Variants in COPS6 observed in about 807,000 individuals in gnomAD.
COPS6 encodes COP9 signalosome subunit 6.
Under a neutral mutation model 41.0 loss-of-function variants are expected in COPS6, and 9 were observed. That is an observed-to-expected ratio of 0.22 (90% confidence interval 0.13 to 0.38). The LOEUF is 0.38. COPS6 is among the 10% of genes least tolerant of loss of function. The pLI, the probability that COPS6 is intolerant of heterozygous loss-of-function variation, is 1.00. For missense variants in COPS6, 302 were observed against 436.7 expected (o/e 0.69, Z 2.75); for synonymous variants, 179 against 162.9 (o/e 1.10, Z -0.75).
intron 5 of COPS6, 69 bp from the exon 6 acceptor site, chr7:100,090,833 G>C (rs897375604): frequency 6.4e-7 from 1 of 1,560,434 alleles, no homozygotes; most frequent in Non-Finnish European, 8.8e-7. Flanking sequence ...GAAGATGAGA[G>C]GAAATGTGTA....
chr7:100,089,059 T>C lies in COPS6; in HGVS notation c.69T>C (p.Asp23=). 1 of 1,403,066 alleles carries C rather than the reference T, an allele frequency of 7.1e-7. No homozygotes were observed. The highest frequency in any genetic ancestry group is 2.9e-5 in the East Asian group (1 of 34,876). The allele number at this position is 1,403,066 out of a possible 1,614,324, so 86.9% of individuals were successfully genotyped here. A position where few individuals can be genotyped will look rare whatever the true frequency, so the allele number is the denominator to read the frequency against. The change falls in exon 1 of 10, where the codon GAT becomes GAC. Residue 23 remains aspartate, a synonymous_variant. Coordinates refer to ENST00000303904, the MANE Select transcript of COPS6 (RefSeq NM_006833.5). ...GAGGAAGCAGCGGGATGGAGGTGGA[T>C]GCAGCAGGTAACGGGCCGTGCGGGG... is the stretch of plus-strand genomic sequence containing the variant. ...GTGGSSGMEV[D]AAVVPSVMAC... is the part of the protein sequence containing the mutation.
At chr7:100,089,167 T>A in intron 1 of COPS6, 101 bp downstream of exon 1, 1 of 1,513,580 alleles carries the variant, frequency 6.6e-7, no homozygotes. Context: ...AGCAGCAACA[T>A]CTTTCCCTGG....
chr7:100,090,705 CTG>C, intron 5 of COPS6, 51 bp downstream of exon 5: 1 of 1,554,752 alleles, frequency 6.4e-7, no homozygotes, highest in African/African-American at 1.4e-5. Context: ...ATACCTTTTA[CTG>C]TGTGACACTC....
chr7:100,090,907 T>C lies in COPS6; in HGVS notation c.492T>C (p.Pro164=), dbSNP rs1196925774. 1.7e-5 allele frequency: 28 copies of C among 1,614,124 alleles called. 1 individual carries two copies. The Admixed American group carries it at 4.3e-4, about 25-fold the overall frequency. The stretch of plus-strand genomic sequence containing the variant: ...TTTCTCCGTCTCCTTCACAGCTTCC[T>C]GTCAGCGTTTTTGAGTCTGTCATTG... The part of the protein sequence containing the change: ...LNPMTKHTDL[P]VSVFESVIDI... The change falls in exon 6 of 10, where the codon CCT becomes CCC. Residue 164 remains proline, a synonymous_variant. Transcript: ENST00000303904.
intron 2 of COPS6, 26 bp from the exon 3 acceptor site, chr7:100,089,589 C>G: frequency 6.2e-7 from 1 of 1,608,984 alleles, no homozygotes; most frequent in African/African-American, 1.3e-5. Flanking sequence ...TTACCCTCAC[C>G]TTTTCCATGT....
rs1277813866 is a variant in COPS6, at chr7:100,091,938, C to CCA, written c.*153_*154dup. The CCA allele has an allele frequency of 1.1e-5, 11 of 967,706 alleles. No individual in the cohort carries two copies. Among genetic ancestry groups the CCA allele is most frequent in the Non-Finnish European group, 1.7e-5 (11 of 658,422 alleles). The allele number at this position is 967,706 out of a possible 1,614,324, so 59.9% of individuals were successfully genotyped here. Reference sequence around the variant, plus strand: ...TGGTGGCTCTGTCCTCTGTTAGGCACCACACTGGTTGGTCAACTTGGATGT... The same window carrying CCA: ...TGGTGGCTCTGTCCTCTGTTAGGCACCACACACTGGTTGGTCAACTTGGATGT... On this transcript the variant is annotated 3_prime_UTR_variant, in exon 10 of 10. Transcript: ENST00000303904. The surrounding 1 kb of genome is among the most constrained non-coding windows in gnomAD (Gnocchi z 4.1).
chr7:100,090,734 C>A, intron 5 of COPS6, 80 bp downstream of exon 5: 1 of 1,490,410 alleles, frequency 6.7e-7, no homozygotes. Flanking sequence ...TGGGGAATGC[C>A]AGATGCCACT....
intron 2 of COPS6, 45 bp downstream of exon 2, chr7:100,089,460 C>A (rs764743282): frequency 1.2e-6 from 2 of 1,611,644 alleles, no homozygotes; most frequent in Admixed American, 3.4e-5. Context: ...TTGCTCACCT[C>A]CCCCAGGCAG....
At chr7:100,089,792 A>G (rs777679775) in intron 3 of COPS6, 46 bp downstream of exon 3, 1 of 1,594,606 alleles carries the variant, frequency 6.3e-7, no homozygotes, top group African/African-American at 1.3e-5. Context: ...AGTTAAAAAA[A>G]AAATGTACAG....
chr7:100,090,695 A>G (rs2116537153), intron 5 of COPS6, 41 bp downstream of exon 5: 2 of 1,587,362 alleles, frequency 1.3e-6, no homozygotes, highest in South Asian at 2.2e-5. Flanking sequence ...GATTGTCGCT[A>G]TACCTTTTAC....
In COPS6 at chr7:100,089,641, G is replaced by A. The variant is rs747857640; in HGVS notation, c.229G>A (p.Glu77Lys). 4 of 1,613,402 alleles carry A rather than the reference G, an allele frequency of 2.5e-6. No homozygotes were observed. Among genetic ancestry groups the A allele is most frequent in the Non-Finnish European group, 3.4e-6 (4 of 1,179,834 alleles). ...GATTGGGGCTCTGATTGGCAAGCAGGAGGGCCGAAATATCGAGGTGATGAA... is the reference window on the plus strand; with the variant it reads ...GATTGGGGCTCTGATTGGCAAGCAGAAGGGCCGAAATATCGAGGTGATGAA... ...QVIGALIGKQ[E>K]GRNIEVMNSF... Residue 77 changes from glutamate (E) to lysine (K), a missense_variant, in exon 3 of 10, where the codon GAG becomes AAG. Glu to Lys is a moderately conservative substitution (Grantham distance 56). Coordinates refer to ENST00000303904, the MANE Select transcript of COPS6 (RefSeq NM_006833.5).
intron 3 of COPS6, chr7:100,090,116 G>A (rs970144803): frequency 6.5e-6 from 3 of 462,664 alleles, no homozygotes; most frequent in African/African-American, 2.0e-5. Flanking sequence ...TTGGGAGGCC[G>A]AGGTGGGTGG....
Position 100,089,033 on chromosome 7 carries a change from G to A in COPS6, c.43G>A (p.Gly15Arg), listed in dbSNP as rs1795274218. The A allele has an allele frequency of 1.5e-5, 21 of 1,361,822 alleles. No homozygotes were observed. The highest frequency in any genetic ancestry group is 1.9e-5 in the Non-Finnish European group (20 of 1,055,734). 84.4% of individuals were successfully genotyped at this position (1,361,822 alleles called of 1,614,324 possible). ...AAAAAATNGT[G>R]GSSGMEVDAA... ...GGCGGCTGCAGCTACGAACGGGACCGGAGGAAGCAGCGGGATGGAGGTGGA... is the reference window on the plus strand; with the variant it reads ...GGCGGCTGCAGCTACGAACGGGACCAGAGGAAGCAGCGGGATGGAGGTGGA... The change falls in exon 1 of 10, where the codon GGA becomes AGA. Residue 15 changes from glycine (G) to arginine (R), a missense_variant. Transcript: ENST00000303904.
At chr7:100,089,217 T>A (rs1185865646) in intron 1 of COPS6, 73 bp from the exon 2 acceptor site, 71 of 1,545,214 alleles carry the variant, frequency 4.6e-5, no homozygotes, top group Non-Finnish European at 5.9e-5. Context: ...GGCTCCGCCG[T>A]CCCCCACTGC....
Position 100,091,276 on chromosome 7 carries a change from A to T in COPS6, c.688A>T (p.Met230Leu). ...GATAGCACAGCACAGCGCCATCAAG[A>T]TGCTGCACAGCCGCGTCAAGCTCAT... ...HLIAQHSAIKMLHSRVKLILE... is the reference protein window; with the variant it reads ...HLIAQHSAIKLLHSRVKLILE... The change falls in exon 8 of 10, where the codon ATG becomes TTG. Residue 230 changes from methionine (M) to leucine (L), a missense_variant. Physicochemically the swap from Met to Leu is conservative, Grantham distance 15. Coordinates refer to ENST00000303904, the MANE Select transcript of COPS6 (RefSeq NM_006833.5). This position sits in a 1 kb window ranked among gnomAD's most constrained non-coding sequence, Gnocchi z 4.1. 1 of 1,614,178 alleles carries T rather than the reference A, an allele frequency of 6.2e-7. No homozygotes were observed. Among genetic ancestry groups the T allele is most frequent in the South Asian group, 1.1e-5 (1 of 91,084 alleles).
intron 3 of COPS6, 143 bp from the exon 4 acceptor site, chr7:100,090,256 G>A (rs1240269524): frequency 1.6e-6 from 1 of 635,208 alleles, no homozygotes; most frequent in Admixed American, 2.7e-5. Context: ...GCTGAGGCAG[G>A]AGAATTGCTT....
In COPS6 at chr7:100,092,080, C is replaced by A. The variant is rs1795339857; in HGVS notation, c.*291C>A. ...ACATGGACTGGTCTTTAGCAAAGTC[C>A]AAGGCTGCCTGCTTCCACCTAAGTG... On this transcript the variant is annotated 3_prime_UTR_variant, in exon 10 of 10. Transcript: ENST00000303904. 2.3e-6 allele frequency: 1 copy of A among 425,742 alleles called. No homozygotes were observed. The highest frequency in any genetic ancestry group is 4.3e-5 in the East Asian group (1 of 23,048). 26.4% of individuals were successfully genotyped at this position (425,742 alleles called of 1,614,324 possible). A position where few individuals can be genotyped will look rare whatever the true frequency, so the allele number is the denominator to read the frequency against.
Position 100,089,600 on chromosome 7 carries a change from C to A in COPS6, c.203-15C>A. ...TTCTTTACCCTCACCTTTTCCATGT[C>A]ATTCTCTTTCCCAGTGATTGGGGCT... is the stretch of plus-strand genomic sequence containing the variant. On this transcript the variant is annotated splice_polypyrimidine_tract_variant and intron_variant, in intron 2 of 9. Coordinates refer to ENST00000303904, the MANE Select transcript of COPS6 (RefSeq NM_006833.5). The A allele has an allele frequency of 1.2e-6, 2 of 1,610,438 alleles. No individual in the cohort carries two copies. Among genetic ancestry groups the A allele is most frequent in the Non-Finnish European group, 1.7e-6 (2 of 1,178,332 alleles).
chr7:100,090,116 G>T (rs970144803), intron 3 of COPS6: 1 of 462,664 alleles, frequency 2.2e-6, no homozygotes, highest in Admixed American at 3.6e-5. Flanking sequence ...TTGGGAGGCC[G>T]AGGTGGGTGG....
Sources: allele counts gnomAD v4.1 joint callset, GRCh38; gene constraint gnomAD v4.1.1; non-coding constraint Gnocchi (gnomAD v3.1); transcripts MANE v1.5; gene names NCBI Gene and HGNC (gene_info 2026-07-23, HGNC 2026-07-21).